The following LRRC7 variants were observed in gnomAD, a reference collection of about 807,000 sequenced individuals.
LRRC7 encodes the protein leucine-rich repeat-containing protein 7.
LRRC7 carries 23 observed loss-of-function variants against 175.7 expected under a neutral mutation model. The observed-to-expected ratio is 0.13, with a 90% CI of 0.09 to 0.19. LRRC7 has a LOEUF of 0.19. Among genes scored for constraint, LRRC7 ranks in the 10% least tolerant of loss-of-function variants. The pLI is 1.00. For synonymous variants in LRRC7, 685 were observed against 680.9 expected, an observed-to-expected ratio of 1.01 and a Z score of -0.09; for missense variants, 1,354 against 1,904.7, an observed-to-expected ratio of 0.71 and a Z score of 5.38.
At chr1:69,879,158 T>C (rs2101605023) in intron 7 of LRRC7, among the ~76,000 whole-genome samples, 1 of 142,810 alleles carries the variant, frequency 7.0e-6, no homozygotes, top group Non-Finnish European at 1.5e-5. Flanking sequence ...GTGGGGAGTA[T>C]ATGAGAAATC....
intron 3 of LRRC7, among the ~76,000 whole-genome samples, chr1:69,786,835 C>T (rs1419862729): frequency 6.6e-6 from 1 of 152,114 alleles, no homozygotes; most frequent in Non-Finnish European, 1.5e-5. Flanking sequence ...TATCATTCTG[C>T]CCCTGTACTC....
chr1:69,632,429 C>G (rs1160665743), intron 1 of LRRC7, among the ~76,000 whole-genome samples: 1 of 152,104 alleles, frequency 6.6e-6, no homozygotes, highest in East Asian at 1.9e-4. Flanking sequence ...TAAATTTTCT[C>G]TATCATTCCT....
intron 8 of LRRC7, among the ~76,000 whole-genome samples, chr1:69,966,270 A>G (rs1209713577): frequency 6.6e-6 from 1 of 152,172 alleles, no homozygotes; most frequent in Non-Finnish European, 1.5e-5. Context: ...TAATTTTAAA[A>G]CAGGTTTCAT....
At chr1:69,707,956 G>A (rs1038035124) in intron 2 of LRRC7, among the ~76,000 whole-genome samples, 7 of 152,262 alleles carry the variant, frequency 4.6e-5, no homozygotes, top group African/African-American at 1.7e-4. Context: ...GTATAAGAGA[G>A]TACTCATTTT....
At chr1:69,757,678 A>T (rs1470838568) in intron 2 of LRRC7, among the ~76,000 whole-genome samples, 1 of 151,920 alleles carries the variant, frequency 6.6e-6, no homozygotes, top group Non-Finnish European at 1.5e-5. Flanking sequence ...TTTTCCTCTT[A>T]GTTCATAATT....
chr1:69,647,309 A>C (rs1233995516), intron 1 of LRRC7, among the ~76,000 whole-genome samples: 1 of 152,194 alleles, frequency 6.6e-6, no homozygotes, highest in Non-Finnish European at 1.5e-5. Context: ...TGCACCCTTT[A>C]AAGATTCTGT....
chr1:69,909,378 C>T (rs1302641855), intron 7 of LRRC7, among the ~76,000 whole-genome samples: 2 of 152,036 alleles, frequency 1.3e-5, no homozygotes, highest in Non-Finnish European at 2.9e-5. Flanking sequence ...ATGGTCTTTA[C>T]ATTTTGGCAT....
At chr1:70,057,406 C>T (rs1661235472) in intron 23 of LRRC7, among the ~76,000 whole-genome samples, 1 of 152,100 alleles carries the variant, frequency 6.6e-6, no homozygotes, top group South Asian at 2.1e-4. Flanking sequence ...CTATTTGATT[C>T]TACAATGACA....
intron 24 of LRRC7, among the ~76,000 whole-genome samples, chr1:70,088,806 T>C (rs1663802798): frequency 6.6e-6 from 1 of 152,152 alleles, no homozygotes; most frequent in Non-Finnish European, 1.5e-5. Context: ...TGCTGAGTTC[T>C]TGATCTACAG....
intron 1 of LRRC7, among the ~76,000 whole-genome samples, chr1:69,621,033 CTTCTTTTTTTT>C (rs972891039): frequency 6.2e-4 from 91 of 147,668 alleles, no homozygotes; most frequent in Non-Finnish European, 1.2e-3. Flanking sequence ...ATATTTCTTT[CTTCTTTTTTTT>C]TTCTTTTTTT....
chr1:70,052,098 G>A (rs1232889231), intron 22 of LRRC7, among the ~76,000 whole-genome samples: 1 of 151,956 alleles, frequency 6.6e-6, no homozygotes, highest in East Asian at 1.9e-4. Flanking sequence ...GAGTATAATA[G>A]CTCAACCACA....
At chr1:70,079,217 T>C (rs1342363947) in intron 24 of LRRC7, among the ~76,000 whole-genome samples, 1 of 152,206 alleles carries the variant, frequency 6.6e-6, no homozygotes, top group Admixed American at 6.5e-5. Flanking sequence ...ATGAAAATTA[T>C]GGAGTAGTGA....
chr1:69,577,553 T>A (rs987292654), intron 1 of LRRC7, among the ~76,000 whole-genome samples: 13 of 152,200 alleles, frequency 8.5e-5, no homozygotes, highest in African/African-American at 3.1e-4. Context: ...AATTAATTTT[T>A]GTATAAGGTG....
intron 24 of LRRC7, among the ~76,000 whole-genome samples, chr1:70,086,728 C>T (rs533247092): frequency 2.7e-4 from 41 of 152,048 alleles, no homozygotes; most frequent in Middle Eastern, 3.4e-3. Flanking sequence ...AACAGCAACA[C>T]CTTATCTCAA....
chr1:69,832,672 A>G (rs1371961903), intron 5 of LRRC7, among the ~76,000 whole-genome samples: 2 of 152,204 alleles, frequency 1.3e-5, no homozygotes, highest in Non-Finnish European at 2.9e-5. Flanking sequence ...GGCTACATCT[A>G]GTAAACATAG....
At chr1:70,112,300 A>T (rs1665578304) in intron 26 of LRRC7, among the ~76,000 whole-genome samples, 1 of 152,144 alleles carries the variant, frequency 6.6e-6, no homozygotes, top group Admixed American at 6.6e-5. Flanking sequence ...TCTTGGCCAA[A>T]ATCATGGGGT....
Position 69,958,953 on chromosome 1 carries a change from A to T in LRRC7, c.712-21426A>T, listed in dbSNP as rs1296149934. On this transcript the variant is annotated intron_variant, in intron 8 of 26. Transcript: ENST00000651989. The stretch of plus-strand genomic sequence containing the variant: ...CCAAGCTTTATTACCTTTGGAGTAA[A>T]TCTATCTATTATTGTTTGTGTTTGT... Among the ~76,000 whole-genome samples the T allele has an allele frequency of 2.6e-5, 4 of 152,204 alleles. No homozygotes were observed. The East Asian group carries it at 7.7e-4, about 29-fold the overall frequency.
intron 7 of LRRC7, among the ~76,000 whole-genome samples, chr1:69,854,335 A>T (rs1011904183): frequency 2.6e-5 from 4 of 152,014 alleles, no homozygotes; most frequent in African/African-American, 4.8e-5. Flanking sequence ...CCATCTCTAC[A>T]AAAAAATAAA....
chr1:69,707,228 G>A (rs931884242), intron 2 of LRRC7, among the ~76,000 whole-genome samples: 3 of 152,184 alleles, frequency 2.0e-5, no homozygotes, highest in African/African-American at 7.2e-5. Flanking sequence ...ATATCTGCCT[G>A]AGAACAGTCT....
Sources: gnomAD v4.1 joint callset for allele counts (sites outside exome capture counted in the v4.1 genomes callset) on GRCh38, gnomAD v4.1.1 for gene constraint, MANE v1.5 for transcripts, NCBI Gene and HGNC (gene_info 2026-07-23, HGNC 2026-07-21) for gene names.